Variants in CPEB3 observed in about 807,000 individuals in gnomAD.
CPEB3 encodes the protein cytoplasmic polyadenylation element binding protein 3, also known as cytoplasmic polyadenylation element-binding protein 3.
Under a neutral mutation model 67.2 loss-of-function variants are expected in CPEB3, and 20 were observed. The ratio of observed to expected loss-of-function variants is 0.30; its 90% CI spans 0.21 to 0.43. The LOEUF (loss-of-function observed/expected upper bound fraction) is 0.43. CPEB3 is among the 20% of genes least tolerant of loss of function. The pLI, the probability that CPEB3 is intolerant of heterozygous loss-of-function variation, is 1.00. For synonymous variants in CPEB3, 376 were observed against 393.1 expected (o/e 0.96, Z 0.51); for missense variants, 746 against 968.6 (o/e 0.77, Z 3.05).
chr10:92,103,465 T>G lies in CPEB3; in HGVS notation c.1572+7611A>C, dbSNP rs140193626. Among the ~76,000 whole-genome samples the G allele has an allele frequency of 1.8e-3, 275 of 152,366 alleles. 1 individual carries two copies. The highest frequency in any genetic ancestry group is 6.4e-3 in the African/African-American group (267 of 41,578). ...AAGGATCAGAAGAGTGAAGTCATCT[T>G]GGAACTGAACTCCAGGTTTATAAAA... is the stretch of plus-strand genomic sequence containing the variant. On this transcript the variant is annotated intron_variant, in intron 7 of 9. Coordinates refer to ENST00000265997, the MANE Select transcript of CPEB3 (RefSeq NM_014912.5).
chr10:92,134,064 C>T (rs1405400313), intron 6 of CPEB3, among the ~76,000 whole-genome samples: 1 of 152,152 alleles, frequency 6.6e-6, no homozygotes, highest in Non-Finnish European at 1.5e-5. Context: ...CAATATCATA[C>T]TGAATGGGAA....
chr10:92,278,604 T>C (rs967455062), intron 1 of CPEB3, among the ~76,000 whole-genome samples: 1 of 149,190 alleles, frequency 6.7e-6, no homozygotes, highest in Admixed American at 6.7e-5. Flanking sequence ...ACTGGTTCTT[T>C]TTTTTTTTTT....
At chr10:92,094,725 T>C (rs1843777887) in intron 7 of CPEB3, among the ~76,000 whole-genome samples, 1 of 152,062 alleles carries the variant, frequency 6.6e-6, no homozygotes, top group African/African-American at 2.4e-5. Context: ...TTTAAATGCC[T>C]TCATGAGGAC....
intron 2 of CPEB3, among the ~76,000 whole-genome samples, chr10:92,231,009 C>T (rs1381264420): frequency 6.6e-6 from 1 of 152,068 alleles, no homozygotes; most frequent in South Asian, 2.1e-4. Context: ...TCAACCCAAC[C>T]CTTATAGCAG....
At chr10:92,137,487 A>G (rs1232054633) in intron 6 of CPEB3, 4 of 1,144,378 alleles carry the variant, frequency 3.5e-6, no homozygotes, top group South Asian at 2.7e-5. Flanking sequence ...TGGTTTTGCT[A>G]TCAGCCACAA....
chr10:92,236,093 A>G (rs1057403083), intron 2 of CPEB3, among the ~76,000 whole-genome samples: 1 of 152,190 alleles, frequency 6.6e-6, no homozygotes, highest in Non-Finnish European at 1.5e-5. Context: ...CCCCCAGTGG[A>G]GTGCCTCTCT....
intron 1 of CPEB3, among the ~76,000 whole-genome samples, chr10:92,257,820 C>G (rs998154783): frequency 6.5e-4 from 98 of 149,786 alleles, no homozygotes; most frequent in African/African-American, 2.4e-3. Flanking sequence ...ACCTCTGCCT[C>G]CTAGGTTCAA....
chr10:92,165,370 T>C (rs1289583742), intron 4 of CPEB3, among the ~76,000 whole-genome samples: 5 of 150,870 alleles, frequency 3.3e-5, no homozygotes, highest in Non-Finnish European at 5.9e-5. Context: ...TCAACGATCA[T>C]CTGTGCATTC....
At chr10:92,100,462 G>A (rs1844124007) in intron 7 of CPEB3, among the ~76,000 whole-genome samples, 1 of 152,002 alleles carries the variant, frequency 6.6e-6, no homozygotes, top group African/African-American at 2.4e-5. Flanking sequence ...TTTTAGTAGA[G>A]ACTGGGTTTC....
intron 1 of CPEB3, among the ~76,000 whole-genome samples, chr10:92,267,247 G>A (rs993842425): frequency 4.6e-5 from 7 of 152,180 alleles, no homozygotes; most frequent in African/African-American, 1.7e-4. Flanking sequence ...GTCACAGAAA[G>A]TCTCTTGTTA....
intron 4 of CPEB3, among the ~76,000 whole-genome samples, chr10:92,159,555 C>A (rs1564826459): frequency 6.6e-6 from 1 of 151,656 alleles, no homozygotes; most frequent in Non-Finnish European, 1.5e-5. Flanking sequence ...ACCTGTAGTC[C>A]CAGCTACTCA....
intron 4 of CPEB3, among the ~76,000 whole-genome samples, chr10:92,178,161 C>CTTTTT (rs1047680848): frequency 7.2e-6 from 1 of 139,812 alleles, no homozygotes; most frequent in Non-Finnish European, 1.6e-5. Flanking sequence ...TCAATTATTC[C>CTTTTT]TTTTTTTTTT....
chr10:92,246,949 T>C (rs967755135), intron 1 of CPEB3, among the ~76,000 whole-genome samples: 1 of 152,134 alleles, frequency 6.6e-6, no homozygotes, highest in Admixed American at 6.5e-5. Context: ...TGGACAAAAA[T>C]AAACTTTGGC....
chr10:92,104,046 A>C (rs1240288677), intron 7 of CPEB3, among the ~76,000 whole-genome samples: 2 of 152,242 alleles, frequency 1.3e-5, no homozygotes, highest in African/African-American at 2.4e-5. Flanking sequence ...CCAAAGCAGG[A>C]ATGTAAAATG....
At chr10:92,217,197 ACT>A (rs1488321547) in intron 2 of CPEB3, among the ~76,000 whole-genome samples, 1 of 116,076 alleles carries the variant, frequency 8.6e-6, no homozygotes, top group Non-Finnish European at 1.7e-5. Flanking sequence ...ACACAGCGAG[ACT>A]CTGCCTCAAA....
At chr10:92,259,550 G>A (rs1235381030) in intron 1 of CPEB3, among the ~76,000 whole-genome samples, 1 of 151,176 alleles carries the variant, frequency 6.6e-6, no homozygotes, top group African/African-American at 2.4e-5. Flanking sequence ...GCAGTGAGCC[G>A]AGATCGTGCC....
intron 1 of CPEB3, among the ~76,000 whole-genome samples, chr10:92,246,833 CAT>C (rs1203683925): frequency 6.6e-6 from 1 of 152,240 alleles, no homozygotes. Context: ...TAATCAGTAA[CAT>C]AGAAATTTTT....
intron 9 of CPEB3, among the ~76,000 whole-genome samples, chr10:92,072,824 G>A (rs781627406): frequency 7.9e-5 from 12 of 152,106 alleles, no homozygotes; most frequent in Non-Finnish European, 1.2e-4. Flanking sequence ...TGTTACGCAC[G>A]AGTGTAACAT....
At chr10:92,135,993 ACAT>A (rs1266558724) in intron 6 of CPEB3, among the ~76,000 whole-genome samples, 1 of 146,818 alleles carries the variant, frequency 6.8e-6, no homozygotes, top group African/African-American at 2.5e-5. Context: ...AGGGAACATC[ACAT>A]CCAGGGGCCT....
Sources: allele counts gnomAD v4.1 joint callset (sites outside exome capture counted in the v4.1 genomes callset), GRCh38; gene constraint gnomAD v4.1.1; transcripts MANE v1.5; gene names NCBI Gene and HGNC (gene_info 2026-07-23, HGNC 2026-07-21).